Variants in SRBD1 observed in about 807,000 individuals in gnomAD.
SRBD1 encodes S1 RNA binding domain 1.
In SRBD1, 88 loss-of-function variants were observed where a neutral mutation model predicts 115.3. That is an observed-to-expected ratio of 0.76 (90% confidence interval 0.64 to 0.91). The LOEUF is 0.91. SRBD1 is among the 40% of genes least tolerant of loss of function. The pLI, the probability that SRBD1 is intolerant of heterozygous loss-of-function variation, is 0.00. For synonymous variants in SRBD1, 509 were observed against 407.7 expected (o/e 1.25, Z -2.99); for missense variants, 1,385 against 1,177.4 (o/e 1.18, Z -2.58).
intron 16 of SRBD1, among the ~76,000 whole-genome samples, chr2:45,473,883 C>T (rs926291384): frequency 1.3e-5 from 2 of 152,168 alleles, no homozygotes; most frequent in Admixed American, 6.5e-5. Flanking sequence ...GTGATTATAA[C>T]TCCATACTAT....
Position 45,553,775 on chromosome 2 carries a change from T to C in SRBD1, c.1410-45A>G, listed in dbSNP as rs573433296. ...ACACTAAAACTGATGCAACAATAAA[T>C]AAGGCCATAAAAAGGCTCCCAAAAA... On this transcript the variant is annotated intron_variant, in intron 10 of 20. Transcript: ENST00000263736. The C allele has an allele frequency of 2.3e-5, 31 of 1,326,354 alleles. No individual in the cohort carries two copies. In the African/African-American group the frequency reaches 3.4e-4, roughly 15 times the overall value. 82.2% of individuals were successfully genotyped at this position (1,326,354 alleles called of 1,614,324 possible).
rs1667652109 is a variant in SRBD1, at chr2:45,413,121, CTA to C, written c.2504_2505del (p.Ile835SerfsTer14). 1 of 1,613,326 alleles carries C rather than the reference CTA, an allele frequency of 6.2e-7. No homozygotes were observed. The highest frequency in any genetic ancestry group is 1.1e-5 in the South Asian group (1 of 90,900). ...CATGGGCCTCAGACTTACCTCATTG[CTA>C]TGTCATATGATTCTGGATGAATACA... ...QTCIHPESYD[I>X]AMRFLSSIGG... On this transcript the variant is annotated frameshift_variant, in exon 19 of 21. Coordinates refer to ENST00000263736, the MANE Select transcript of SRBD1 (RefSeq NM_018079.5). LOFTEE classifies it high-confidence loss of function.
rs192162433 is a variant in SRBD1 at position 45,522,833 on chromosome 2, T to C, written c.1874+23899A>G. On this transcript the variant is annotated intron_variant, in intron 14 of 20. Transcript: ENST00000263736. ...GTAACAATATCGAATACAAGACGTA[T>C]AACATACAGAACATGTGTTAATCAA... Among the ~76,000 whole-genome samples the C allele has an allele frequency of 2.4e-3, 362 of 152,324 alleles. 1 individual carries two copies. The highest frequency in any genetic ancestry group is 3.7e-3 in the Non-Finnish European group (254 of 68,028).
chr2:45,603,386 T>C (rs1674161803), intron 2 of SRBD1, among the ~76,000 whole-genome samples: 1 of 152,136 alleles, frequency 6.6e-6, no homozygotes, highest in South Asian at 2.1e-4. Flanking sequence ...TTCATACTAC[T>C]TCCTGGCAGC....
At chr2:45,488,096 A>G in intron 15 of SRBD1, 144 bp downstream of exon 15, 1 of 676,654 alleles carries the variant, frequency 1.5e-6, no homozygotes, top group African/African-American at 1.8e-5. Flanking sequence ...TAGTCCAATT[A>G]ACCACTTTCT....
At chr2:45,509,513 G>A (rs1286018602) in intron 14 of SRBD1, among the ~76,000 whole-genome samples, 2 of 148,148 alleles carry the variant, frequency 1.3e-5, no homozygotes, top group East Asian at 4.0e-4. Flanking sequence ...GGAGAATGGC[G>A]TGAACCCAGG....
intron 4 of SRBD1, among the ~76,000 whole-genome samples, chr2:45,595,434 A>G (rs929029789): frequency 6.6e-6 from 1 of 152,240 alleles, no homozygotes; most frequent in African/African-American, 2.4e-5. Context: ...ATAACTATTC[A>G]GGATTTCCCC....
intron 19 of SRBD1, among the ~76,000 whole-genome samples, chr2:45,409,749 T>C (rs1030131100): frequency 2.0e-5 from 3 of 152,076 alleles, no homozygotes; most frequent in African/African-American, 7.2e-5. Context: ...CAGCAAATTT[T>C]AAAAACTCCA....
Position 45,601,884 on chromosome 2 carries a change from A to G in SRBD1, c.261+19T>C. 6 of 1,613,214 alleles carry G rather than the reference A, an allele frequency of 3.7e-6. No homozygotes were observed. Among genetic ancestry groups the G allele is most frequent in the Non-Finnish European group, 5.1e-6 (6 of 1,179,430 alleles). On this transcript the variant is annotated intron_variant, in intron 3 of 20. Coordinates refer to ENST00000263736, the MANE Select transcript of SRBD1 (RefSeq NM_018079.5). ...AGGAAGACACTACAGAGTTCCCTCT[A>G]TCCAGCTGTAGCACCTACCAGCTCC...
At chr2:45,409,842 T>C (rs1667546031) in intron 19 of SRBD1, among the ~76,000 whole-genome samples, 1 of 152,152 alleles carries the variant, frequency 6.6e-6, no homozygotes, top group Non-Finnish European at 1.5e-5. Context: ...AGACACAGCT[T>C]AGAGAAATAA....
chr2:45,570,225 T>C (rs1023538925), intron 9 of SRBD1, among the ~76,000 whole-genome samples: 10 of 152,196 alleles, frequency 6.6e-5, no homozygotes, highest in Non-Finnish European at 1.5e-4. Context: ...TAAGTTTCAT[T>C]CACTCTAAAG....
At chr2:45,443,564 G>A (rs376145309) in intron 16 of SRBD1, among the ~76,000 whole-genome samples, 2 of 152,146 alleles carry the variant, frequency 1.3e-5, no homozygotes, top group East Asian at 3.9e-4. Context: ...GTGGACATAT[G>A]GAGTTTGGAG....
At chr2:45,597,210 G>GT (rs577202101) in intron 4 of SRBD1, among the ~76,000 whole-genome samples, 37 of 152,142 alleles carry the variant, frequency 2.4e-4, no homozygotes, top group Non-Finnish European at 3.2e-4. Flanking sequence ...CACCAGGTCA[G>GT]AAGACGGAGA....
chr2:45,464,867 T>C (rs1007727926), intron 16 of SRBD1, among the ~76,000 whole-genome samples: 1 of 152,020 alleles, frequency 6.6e-6, no homozygotes, highest in African/African-American at 2.4e-5. Context: ...TACAACCTAA[T>C]AAAATAAGAA....
intron 9 of SRBD1, among the ~76,000 whole-genome samples, chr2:45,571,848 G>GA (rs1339084212): frequency 5.9e-5 from 9 of 151,616 alleles, no homozygotes; most frequent in African/African-American, 2.2e-4. Flanking sequence ...AGAGAAAAAA[G>GA]AAAAAAATAA....
At chr2:45,500,748 T>C (rs1670607174) in intron 14 of SRBD1, among the ~76,000 whole-genome samples, 1 of 152,232 alleles carries the variant, frequency 6.6e-6, no homozygotes, top group Non-Finnish European at 1.5e-5. Context: ...TGATTTTGTA[T>C]TCTGCAACTT....
intron 16 of SRBD1, among the ~76,000 whole-genome samples, chr2:45,454,692 C>T (rs1217687509): frequency 6.6e-6 from 1 of 151,798 alleles, no homozygotes; most frequent in African/African-American, 2.4e-5. Flanking sequence ...GCTCTAAGTT[C>T]CTCAGAGTTC....
At chr2:45,513,466 G>A (rs1671031033) in intron 14 of SRBD1, among the ~76,000 whole-genome samples, 1 of 150,744 alleles carries the variant, frequency 6.6e-6, no homozygotes, top group African/African-American at 2.4e-5. Context: ...CTTCGTTTCA[G>A]CCTAGCACTG....
At chr2:45,487,789 G>T (rs1344639480) in intron 15 of SRBD1, among the ~76,000 whole-genome samples, 1 of 152,094 alleles carries the variant, frequency 6.6e-6, no homozygotes, top group East Asian at 1.9e-4. Context: ...GAGTAGCTGG[G>T]ATTACAGGCA....
Sources: allele counts gnomAD v4.1 joint callset (sites outside exome capture counted in the v4.1 genomes callset), GRCh38; gene constraint gnomAD v4.1.1; transcripts MANE v1.5; gene names NCBI Gene and HGNC (gene_info 2026-07-23, HGNC 2026-07-21).